The following ANO10 variants were observed in gnomAD, a reference collection of about 807,000 sequenced individuals.
ANO10 encodes anoctamin-10.
A neutral mutation model predicts 74.7 loss-of-function variants in ANO10; 77 were observed. The observed-to-expected ratio is 1.03, with a 90% CI of 0.86 to 1.25. The LOEUF (loss-of-function observed/expected upper bound fraction) is 1.25. Ranked by LOEUF, ANO10 falls within the 50% of genes most tolerant of loss-of-function variation. The pLI is 0.00. For missense variants in ANO10, 721 were observed against 778.1 expected (o/e 0.93, Z 0.87); for synonymous variants, 279 against 284.9 (o/e 0.98, Z 0.21).
At chr3:43,683,715 C>T (rs2149583393) in intron 1 of ANO10, among the ~76,000 whole-genome samples, 1 of 152,308 alleles carries the variant, frequency 6.6e-6, no homozygotes, top group African/African-American at 2.4e-5. Flanking sequence ...CAGCATGGTA[C>T]TGGTACCAAA....
intron 1 of ANO10, among the ~76,000 whole-genome samples, chr3:43,634,275 A>G (rs755753364): frequency 6.6e-6 from 1 of 152,120 alleles, no homozygotes; most frequent in Non-Finnish European, 1.5e-5. Flanking sequence ...CGATTGCTAG[A>G]TTTCCTTTTT....
At chr3:43,559,268 C>T (rs756325656) in intron 9 of ANO10, among the ~76,000 whole-genome samples, 7 of 152,156 alleles carry the variant, frequency 4.6e-5, no homozygotes, top group African/African-American at 7.2e-5. Flanking sequence ...CAGATGAGGA[C>T]TGTACTAAAA....
At chr3:43,682,546 T>C (rs1379771285) in intron 1 of ANO10, among the ~76,000 whole-genome samples, 4 of 152,102 alleles carry the variant, frequency 2.6e-5, no homozygotes, top group East Asian at 3.9e-4. Flanking sequence ...TTCCAATCAA[T>C]AGAAAAAGAG....
chr3:43,620,205 A>T (rs1025486852), intron 1 of ANO10, among the ~76,000 whole-genome samples: 1 of 152,212 alleles, frequency 6.6e-6, no homozygotes, highest in Non-Finnish European at 1.5e-5. Flanking sequence ...AATCCACATG[A>T]TGAATGATTA....
chr3:43,488,939 G>A (rs1264330164), intron 11 of ANO10, among the ~76,000 whole-genome samples: 1 of 151,356 alleles, frequency 6.6e-6, no homozygotes, highest in African/African-American at 2.4e-5. Flanking sequence ...AACAATGATA[G>A]ACTGGATTAA....
At chr3:43,497,574 A>C (rs2076960640) in intron 11 of ANO10, among the ~76,000 whole-genome samples, 2 of 152,102 alleles carry the variant, frequency 1.3e-5, no homozygotes, top group Admixed American at 1.3e-4. Context: ...AAGGCTAGTT[A>C]ATGAATCCAC....
chr3:43,675,407 T>C (rs2084110350), intron 1 of ANO10, among the ~76,000 whole-genome samples: 1 of 152,150 alleles, frequency 6.6e-6, no homozygotes, highest in Non-Finnish European at 1.5e-5. Flanking sequence ...TTAAAAACTT[T>C]TACTGTGCAA....
intron 1 of ANO10, chr3:43,690,187 G>A (rs1285078994): frequency 6.6e-6 from 1 of 152,290 alleles, no homozygotes; most frequent in Non-Finnish European, 1.5e-5. Context: ...AGGCTCCCGA[G>A]TAGCTGGAAT....
chr3:43,368,251 G>T (rs1417213714), intron 12 of ANO10, among the ~76,000 whole-genome samples: 2 of 152,154 alleles, frequency 1.3e-5, no homozygotes, highest in Non-Finnish European at 2.9e-5. Flanking sequence ...ATGAGAAAGG[G>T]GGCTACGGAG....
At chr3:43,669,576 T>G (rs1033954298) in intron 1 of ANO10, among the ~76,000 whole-genome samples, 1 of 152,196 alleles carries the variant, frequency 6.6e-6, no homozygotes, top group African/African-American at 2.4e-5. Context: ...GGGCAGCAGT[T>G]TGCCCTGTGA....
At chr3:43,592,800 C>T (rs960574565) in intron 4 of ANO10, among the ~76,000 whole-genome samples, 2 of 152,188 alleles carry the variant, frequency 1.3e-5, no homozygotes, top group Admixed American at 6.5e-5. Context: ...TAATAACGAA[C>T]TTCTCCGAGC....
intron 12 of ANO10, among the ~76,000 whole-genome samples, chr3:43,369,327 T>C (rs2091521750): frequency 6.6e-6 from 1 of 152,250 alleles, no homozygotes; most frequent in Non-Finnish European, 1.5e-5. Context: ...CCTGAGGATG[T>C]CCACGAGGTC....
intron 1 of ANO10, among the ~76,000 whole-genome samples, chr3:43,681,163 T>C (rs936416355): frequency 6.6e-5 from 10 of 151,894 alleles, no homozygotes; most frequent in African/African-American, 2.2e-4. Flanking sequence ...GACCCATCAG[T>C]GTATTATATT....
intron 4 of ANO10, among the ~76,000 whole-genome samples, chr3:43,586,073 A>G (rs138023672): frequency 4.6e-5 from 7 of 152,316 alleles, no homozygotes; most frequent in Admixed American, 6.5e-5. Context: ...ACCTGGGCCA[A>G]GCACACAAAG....
At chr3:43,408,732 TAAA>T (rs1346255807) in intron 12 of ANO10, among the ~76,000 whole-genome samples, 1 of 152,106 alleles carries the variant, frequency 6.6e-6, no homozygotes, top group Admixed American at 6.6e-5. Flanking sequence ...CACTACAGTG[TAAA>T]AGTGTTTACC....
rs906823769 is a variant in ANO10, at chr3:43,366,348, T to C, written c.*558A>G. On this transcript the variant is annotated 3_prime_UTR_variant, in exon 13 of 13. Coordinates refer to ENST00000292246, the MANE Select transcript of ANO10 (RefSeq NM_018075.5). ...ATGTAGGCAGAAGGAGTCAGAGAGGTTGCCTTTAATAGCTCAGTTACTATT... is the reference window on the plus strand; with the variant it reads ...ATGTAGGCAGAAGGAGTCAGAGAGGCTGCCTTTAATAGCTCAGTTACTATT... 5.7e-6 allele frequency: 1 copy of C among 174,324 alleles called. No homozygotes were observed. Among genetic ancestry groups the C allele is most frequent in the African/African-American group, 2.4e-5 (1 of 42,082 alleles). 10.8% of individuals were successfully genotyped at this position (174,324 alleles called of 1,614,324 possible). A position where few individuals can be genotyped will look rare whatever the true frequency, so the allele number is the denominator to read the frequency against.
chr3:43,592,135 G>T (rs1402675559), intron 4 of ANO10, among the ~76,000 whole-genome samples: 1 of 152,228 alleles, frequency 6.6e-6, no homozygotes, highest in Non-Finnish European at 1.5e-5. Flanking sequence ...ACAGCTCAAG[G>T]AGGCCTGCCA....
chr3:43,484,918 T>C lies in ANO10; in HGVS notation c.1798-52191A>G, dbSNP rs2076409299. 44 of 728,178 alleles carry C rather than the reference T, an allele frequency of 6.0e-5. No homozygotes were observed. The South Asian group carries it at 7.1e-4, about 12-fold the overall frequency. 45.1% of individuals were successfully genotyped at this position (728,178 alleles called of 1,614,324 possible). A position where few individuals can be genotyped will look rare whatever the true frequency, so the allele number is the denominator to read the frequency against. On this transcript the variant is annotated intron_variant, in intron 11 of 12. Transcript: ENST00000292246. ...ATTTACAGTTTATGTCTTTTTTTTT[T>C]CACCGGGGCGTTCCTGAGTTTATTT... is the stretch of plus-strand genomic sequence containing the variant.
At chr3:43,483,808 AACAGGGGCTT>A (rs2076362260) in intron 11 of ANO10, among the ~76,000 whole-genome samples, 1 of 152,182 alleles carries the variant, frequency 6.6e-6, no homozygotes, top group Non-Finnish European at 1.5e-5. Context: ...GATACCTTGA[AACAGGGGCTT>A]ACAGGTCATA....
Sources: gnomAD v4.1 joint callset for allele counts (sites outside exome capture counted in the v4.1 genomes callset) on GRCh38, gnomAD v4.1.1 for gene constraint, MANE v1.5 for transcripts, NCBI Gene and HGNC (gene_info 2026-07-23, HGNC 2026-07-21) for gene names.